Variants in PTPRD observed in about 807,000 individuals in gnomAD.
PTPRD encodes protein tyrosine phosphatase receptor type D.
PTPRD carries 34 observed loss-of-function variants against 214.5 expected under a neutral mutation model. The observed-to-expected ratio is 0.16, with a 90% confidence interval of 0.12 to 0.21. The LOEUF (loss-of-function observed/expected upper bound fraction) is 0.21, where lower values mean the gene tolerates loss of function less well. PTPRD is among the 10% of genes least tolerant of loss of function. PTPRD has a pLI of 1.00. For synonymous variants in PTPRD, 1,128 were observed against 845.7 expected (o/e 1.33, Z -5.79); for missense variants, 2,545 against 2,398.7 (o/e 1.06, Z -1.27).
At chr9:9,823,496 C>G (rs1304000538) in intron 5 of PTPRD, among the ~76,000 whole-genome samples, 1 of 151,942 alleles carries the variant, frequency 6.6e-6, no homozygotes, top group Non-Finnish European at 1.5e-5. Context: ...TGAGATTTGG[C>G]TAGGGACAAA....
At chr9:10,334,042 A>G (rs983942613) in intron 3 of PTPRD, among the ~76,000 whole-genome samples, 3 of 151,810 alleles carry the variant, frequency 2.0e-5, no homozygotes, top group Non-Finnish European at 4.4e-5. Flanking sequence ...AGGCAAGTAT[A>G]TATAGTGGAA....
chr9:9,661,146 A>G (rs746508957), intron 7 of PTPRD, among the ~76,000 whole-genome samples: 4 of 151,970 alleles, frequency 2.6e-5, no homozygotes, highest in Non-Finnish European at 5.9e-5. Context: ...CCTGTGCCAT[A>G]TATTTCCAAT....
At chr9:10,276,738 G>C (rs941301145) in intron 3 of PTPRD, among the ~76,000 whole-genome samples, 3 of 152,192 alleles carry the variant, frequency 2.0e-5, no homozygotes, top group Non-Finnish European at 2.9e-5. Context: ...AATCATGTCA[G>C]AACAGAAGGC....
chr9:9,565,911 G>C (rs901966419), intron 8 of PTPRD, among the ~76,000 whole-genome samples: 3 of 151,948 alleles, frequency 2.0e-5, no homozygotes, highest in African/African-American at 7.2e-5. Flanking sequence ...TGTTGATGGT[G>C]TCTTCTATAG....
intron 7 of PTPRD, among the ~76,000 whole-genome samples, chr9:9,584,593 A>G (rs1230123281): frequency 6.6e-6 from 1 of 151,914 alleles, no homozygotes; most frequent in Non-Finnish European, 1.5e-5. Flanking sequence ...AACAACTTCA[A>G]CTTCGTTATT....
At chr9:8,775,481 T>C (rs1008718289) in intron 11 of PTPRD, among the ~76,000 whole-genome samples, 1 of 152,126 alleles carries the variant, frequency 6.6e-6, no homozygotes, top group Admixed American at 6.5e-5. Flanking sequence ...TGAGATGCAG[T>C]ACATAACAGG....
rs765808310 is a variant in PTPRD, at chr9:8,518,235, A to G, written c.1156T>C (p.Tyr386His). The change falls in exon 21 of 46, where the codon TAC becomes CAC. Residue 386 changes from tyrosine to histidine, a missense_variant. Tyr to His is a moderately conservative substitution (Grantham distance 83). Transcript: ENST00000381196. Reference sequence around the variant, plus strand: ...ACAACCCTGAATTCATAATCCGAGTAGGGACTTAGTCCAGCGACACTGTAG... The same window carrying G: ...ACAACCCTGAATTCATAATCCGAGTGGGGACTTAGTCCAGCGACACTGTAG... ...TRYSVAGLSP[Y>H]SDYEFRVVAV... is the part of the protein sequence containing the mutation. 1 of 1,614,194 alleles carries G rather than the reference A, an allele frequency of 6.2e-7. No individual in the cohort carries two copies. Among genetic ancestry groups the G allele is most frequent in the South Asian group, 1.1e-5 (1 of 91,078 alleles).
chr9:8,968,911 A>T (rs2099217945), intron 11 of PTPRD, among the ~76,000 whole-genome samples: 1 of 152,218 alleles, frequency 6.6e-6, no homozygotes, highest in South Asian at 2.1e-4. Flanking sequence ...GAATGGAAAA[A>T]GTTCACAAAA....
intron 2 of PTPRD, among the ~76,000 whole-genome samples, chr9:10,574,041 T>C (rs908754395): frequency 9.2e-5 from 14 of 152,132 alleles, no homozygotes; most frequent in Admixed American, 2.0e-4. Context: ...TTCCGAATGT[T>C]AAAATCAGTA....
chr9:8,970,493 C>T (rs10816022), intron 11 of PTPRD, among the ~76,000 whole-genome samples: 104,276 of 151,450 alleles, frequency 0.69, 36,229 homozygotes, highest in East Asian at 0.85. Flanking sequence ...AAGGAAACAG[C>T]AGAAAATTAT....
chr9:10,449,801 AG>A (rs2098827713), intron 2 of PTPRD, among the ~76,000 whole-genome samples: 1 of 151,714 alleles, frequency 6.6e-6, no homozygotes, highest in Admixed American at 6.6e-5. Context: ...CGAATAGAAA[AG>A]GGGGAAATGT....
At chr9:10,148,697 G>T (rs1252229080) in intron 3 of PTPRD, among the ~76,000 whole-genome samples, 1 of 152,122 alleles carries the variant, frequency 6.6e-6, no homozygotes, top group Non-Finnish European at 1.5e-5. Flanking sequence ...TTGGCTGATA[G>T]TAGAATCACC....
chr9:9,641,342 T>C (rs1310025040), intron 7 of PTPRD, among the ~76,000 whole-genome samples: 3 of 152,222 alleles, frequency 2.0e-5, no homozygotes, highest in Non-Finnish European at 4.4e-5. Flanking sequence ...AGTGACAGGA[T>C]AGGCTCAAAT....
At chr9:9,309,001 G>C (rs1958027736) in intron 9 of PTPRD, among the ~76,000 whole-genome samples, 1 of 152,042 alleles carries the variant, frequency 6.6e-6, no homozygotes, top group Non-Finnish European at 1.5e-5. Context: ...AATTATATGA[G>C]TGATATATTA....
chr9:8,936,488 C>T (rs943878808), intron 11 of PTPRD, among the ~76,000 whole-genome samples: 44 of 133,818 alleles, frequency 3.3e-4, no homozygotes. Flanking sequence ...TTTGAGCTAC[C>T]CAATCCTTAT....
At chr9:8,928,207 A>G (rs963061005) in intron 11 of PTPRD, among the ~76,000 whole-genome samples, 2 of 152,076 alleles carry the variant, frequency 1.3e-5, no homozygotes, top group Non-Finnish European at 2.9e-5. Flanking sequence ...TTTAGTTTAA[A>G]TAAATCCCAT....
chr9:9,732,509 A>T (rs2098215584), intron 7 of PTPRD, among the ~76,000 whole-genome samples: 1 of 152,174 alleles, frequency 6.6e-6, no homozygotes. Context: ...TAAATGAAAA[A>T]TGATGGAATT....
intron 12 of PTPRD, among the ~76,000 whole-genome samples, chr9:8,672,653 C>G (rs2097309276): frequency 6.6e-6 from 1 of 152,014 alleles, no homozygotes; most frequent in Admixed American, 6.6e-5. Flanking sequence ...ATTAAATACT[C>G]TTAGGAAAGC....
In PTPRD at chr9:8,835,529, G is replaced by C. The variant is rs144084368; in HGVS notation, c.-103-101583C>G. On this transcript the variant is annotated intron_variant, in intron 11 of 45. Coordinates refer to ENST00000381196, the MANE Select transcript of PTPRD (RefSeq NM_002839.4). The stretch of plus-strand genomic sequence containing the variant: ...CTTTGCCCTGACAAGTTTTACTTTT[G>C]TTTTGTTGTTGTTGCTGTTGAGACA... Among the ~76,000 whole-genome samples the C allele has an allele frequency of 4.3e-3, 658 of 152,114 alleles. 22 individuals carry two copies. The highest frequency in any genetic ancestry group is 0.041 in the Admixed American group (623 of 15,278).
Sources: allele counts gnomAD v4.1 joint callset (sites outside exome capture counted in the v4.1 genomes callset), GRCh38; gene constraint gnomAD v4.1.1; transcripts MANE v1.5; gene names NCBI Gene and HGNC (gene_info 2026-07-23, HGNC 2026-07-21).